The following LIMCH1 variants were observed in gnomAD, a reference collection of about 807,000 sequenced individuals.
LIMCH1 encodes the protein LIM and calponin homology domains-containing protein 1.
In LIMCH1, 113 loss-of-function variants were observed where a neutral mutation model predicts 176.5. That is an observed-to-expected ratio of 0.64 (90% CI 0.55 to 0.75). LIMCH1 has a LOEUF of 0.75. LIMCH1 is among the 30% of genes least tolerant of loss of function. LIMCH1 has a pLI of 0.00. For synonymous variants in LIMCH1, 619 were observed against 645.9 expected (o/e 0.96, Z 0.63); for missense variants, 1,674 against 1,814.9 (o/e 0.92, Z 1.41).
At chr4:41,693,247 C>G (rs1469284644) in intron 31 of LIMCH1, 2 of 152,148 alleles carry the variant, frequency 1.3e-5, no homozygotes, top group East Asian at 1.9e-4. Flanking sequence ...GTGTGAAATT[C>G]AAGAATGACT....
rs1452440375 is a variant in LIMCH1 at position 41,646,908 on chromosome 4, T to A, written c.2820+15T>A. 2 of 1,601,084 alleles carry A rather than the reference T, an allele frequency of 1.2e-6. No homozygotes were observed. Among genetic ancestry groups the A allele is most frequent in the Admixed American group, 3.4e-5 (2 of 59,690 alleles). On this transcript the variant is annotated intron_variant, in intron 17 of 31. Transcript: ENST00000503057. ...AGACCTTTAAGGTAGGACAAGTTCC[T>A]TAAGAGTAGAACCAAAGCTGAACTC...
intron 1 of LIMCH1, among the ~76,000 whole-genome samples, chr4:41,467,759 C>T (rs1016843722): frequency 6.6e-6 from 1 of 152,176 alleles, no homozygotes; most frequent in Admixed American, 6.5e-5. Flanking sequence ...AGATGATGTT[C>T]TGGGAAGGTC....
intron 2 of LIMCH1, among the ~76,000 whole-genome samples, chr4:41,503,744 G>A (rs770100500): frequency 3.9e-5 from 6 of 152,180 alleles, no homozygotes; most frequent in Non-Finnish European, 5.9e-5. Flanking sequence ...CCTTCCTTGG[G>A]AGTGTTGCCG....
At chr4:41,540,623 C>A (rs2078511337) in intron 1 of LIMCH1, among the ~76,000 whole-genome samples, 1 of 152,020 alleles carries the variant, frequency 6.6e-6, no homozygotes, top group African/African-American at 2.4e-5. Flanking sequence ...CCTGTAATCC[C>A]AGCTATTCAG....
At chr4:41,541,264 C>T (rs1455811389) in intron 1 of LIMCH1, among the ~76,000 whole-genome samples, 2 of 152,184 alleles carry the variant, frequency 1.3e-5, no homozygotes, top group African/African-American at 2.4e-5. Flanking sequence ...TTATTAGACC[C>T]TTAGAGTCCC....
intron 1 of LIMCH1, among the ~76,000 whole-genome samples, chr4:41,598,692 G>A (rs1003182422): frequency 6.6e-6 from 1 of 152,116 alleles, no homozygotes; most frequent in Non-Finnish European, 1.5e-5. Flanking sequence ...TTATACAAAT[G>A]TGTCAAGCTA....
intron 23 of LIMCH1, among the ~76,000 whole-genome samples, chr4:41,677,144 C>T (rs999490908): frequency 2.0e-5 from 3 of 148,890 alleles, no homozygotes; most frequent in African/African-American, 7.5e-5. Context: ...ACCTAGACAA[C>T]AGAGTGAGAA....
At chr4:41,364,709 A>G (rs960152020) in intron 1 of LIMCH1, among the ~76,000 whole-genome samples, 27 of 152,242 alleles carry the variant, frequency 1.8e-4, no homozygotes, top group African/African-American at 6.5e-4. Context: ...TCCAAGCAGA[A>G]TGCTCAATGC....
chr4:41,506,113 C>T (rs1020488893), intron 2 of LIMCH1, among the ~76,000 whole-genome samples: 15 of 152,126 alleles, frequency 9.9e-5, no homozygotes, highest in African/African-American at 2.4e-4. Flanking sequence ...GTTTTGCAAA[C>T]GTATTGTCAT....
chr4:41,419,681 C>CTGCCTCCT (rs1390681848), intron 1 of LIMCH1, among the ~76,000 whole-genome samples: 1 of 56,294 alleles, frequency 1.8e-5, no homozygotes, highest in Admixed American at 2.2e-4. Flanking sequence ...TCCTTCCTTC[C>CTGCCTCCT]TCCTTCCTTC....
rs752209945 is a variant in LIMCH1 at position 41,463,302 on chromosome 4, C to T, written c.97-31234C>T. The stretch of plus-strand genomic sequence containing the variant: ...ACTTTTTCTTTTTATAGTACACCCA[C>T]TTTATGTAGCAGCCATTGCTAGCAG... On this transcript the variant is annotated intron_variant, in intron 1 of 26. Coordinates refer to the LIMCH1 transcript ENST00000313860. Among the ~76,000 whole-genome samples the T allele has an allele frequency of 1.1e-3, 165 of 152,200 alleles. 1 individual carries two copies. The highest frequency in any genetic ancestry group is 1.9e-3 in the Non-Finnish European group (131 of 67,992).
At chr4:41,552,516 T>C (rs1336265475) in intron 1 of LIMCH1, among the ~76,000 whole-genome samples, 1 of 152,192 alleles carries the variant, frequency 6.6e-6, no homozygotes, top group Non-Finnish European at 1.5e-5. Flanking sequence ...TACAGGCTCT[T>C]GTTCTCTTGG....
intron 2 of LIMCH1, 186 bp downstream of exon 2, chr4:41,599,212 GA>G: frequency 2.3e-6 from 1 of 433,808 alleles, no homozygotes; most frequent in Non-Finnish European, 4.2e-6. Flanking sequence ...CTTTCATTCT[GA>G]TCAAACATCA....
At chr4:41,510,529 C>T (rs1378413891) in intron 2 of LIMCH1, among the ~76,000 whole-genome samples, 1 of 152,096 alleles carries the variant, frequency 6.6e-6, no homozygotes, top group Non-Finnish European at 1.5e-5. Context: ...TGAATGTTCC[C>T]TTTGGTTACT....
chr4:41,650,044 T>A (rs1264249521), intron 17 of LIMCH1, among the ~76,000 whole-genome samples: 1 of 152,218 alleles, frequency 6.6e-6, no homozygotes, highest in Non-Finnish European at 1.5e-5. Flanking sequence ...CAATCAGAAC[T>A]GAAGTGAAAC....
chr4:41,370,470 C>T (rs1016442791), intron 1 of LIMCH1, among the ~76,000 whole-genome samples: 4 of 151,996 alleles, frequency 2.6e-5, no homozygotes, highest in Non-Finnish European at 2.9e-5. Flanking sequence ...ATTGTCATGA[C>T]CCAATGGGAG....
At chr4:41,471,265 A>C in intron 1 of LIMCH1, among the ~76,000 whole-genome samples, 1 of 152,194 alleles carries the variant, frequency 6.6e-6, no homozygotes, top group Non-Finnish European at 1.5e-5. Flanking sequence ...CATTGTGGTG[A>C]AGTTCAACTA....
intron 5 of LIMCH1, among the ~76,000 whole-genome samples, 173 bp downstream of exon 5, chr4:41,613,834 G>A (rs2091759294): frequency 6.6e-6 from 1 of 152,324 alleles, no homozygotes; most frequent in South Asian, 2.1e-4. Context: ...TGTTTTTCAT[G>A]GTCCTTAGAA....
chr4:41,612,413 C>T, intron 4 of LIMCH1: 1 of 613,890 alleles, frequency 1.6e-6, no homozygotes, highest in South Asian at 2.0e-5. Context: ...TGTGGCATTC[C>T]AGTCTTTGCG....
Sources: allele counts gnomAD v4.1 joint callset (sites outside exome capture counted in the v4.1 genomes callset), GRCh38; gene constraint gnomAD v4.1.1; transcripts MANE v1.5; gene names NCBI Gene and HGNC (gene_info 2026-07-23, HGNC 2026-07-21).